Variants in STARD4 observed in about 807,000 individuals in gnomAD.
STARD4 encodes stAR-related lipid transfer protein 4.
A neutral mutation model predicts 24.9 loss-of-function variants in STARD4; 33 were observed. That is an observed-to-expected ratio of 1.32 (90% CI 1.00 to 1.77). The LOEUF (loss-of-function observed/expected upper bound fraction) is 1.77, where lower values mean the gene tolerates loss of function less well. Among genes scored for constraint, STARD4 ranks in the 40% most tolerant of loss-of-function variants. STARD4 has a pLI of 0.00. For synonymous variants in STARD4, 88 were observed against 77.4 expected (o/e 1.14, Z -0.72); for missense variants, 238 against 249.3 (o/e 0.95, Z 0.31).
intron 1 of STARD4, among the ~76,000 whole-genome samples, chr5:111,510,440 C>A (rs1757175649): frequency 6.6e-6 from 1 of 152,170 alleles, no homozygotes; most frequent in South Asian, 2.1e-4. Flanking sequence ...TCTGAACTTC[C>A]TTTTACTAAT....
Position 111,501,980 on chromosome 5 carries a change from A to T in STARD4, c.264T>A (p.Ile88=). The part of the protein sequence containing the change: ...DWDSLMTSLD[I]LENFEENCCV... The stretch of plus-strand genomic sequence containing the variant: ...TAGATACCTCTTCAAAGTTCTCCAG[A>T]ATATCCAAAGAAGTCATCAAGCTGT... Residue 88 remains isoleucine, a synonymous_variant, in exon 4 of 6, where the codon ATT becomes ATA. Coordinates refer to ENST00000296632, the MANE Select transcript of STARD4 (RefSeq NM_139164.3). The T allele has an allele frequency of 6.2e-7, 1 of 1,614,166 alleles. No homozygotes were observed. Among genetic ancestry groups the T allele is most frequent in the South Asian group, 1.1e-5 (1 of 91,092 alleles).
At position 111,507,464 on chromosome 5, in the gene STARD4, G is replaced by A; in HGVS notation, c.-9-22C>T. 6.3e-7 allele frequency: 1 copy of A among 1,589,428 alleles called. No homozygotes were observed. Among genetic ancestry groups the A allele is most frequent in the South Asian group, 1.1e-5 (1 of 88,708 alleles). ...CTCTCTGTTATGGAGACCAAGATTA[G>A]CATCAGCAAATACCACAGTTTGAGG... On this transcript the variant is annotated intron_variant, in intron 1 of 5. Coordinates refer to ENST00000296632, the MANE Select transcript of STARD4 (RefSeq NM_139164.3). This position sits in a 1 kb window ranked among gnomAD's most constrained non-coding sequence, Gnocchi z 4.4.
At chr5:111,501,451 T>C (rs1756446472) in intron 4 of STARD4, among the ~76,000 whole-genome samples, 1 of 152,212 alleles carries the variant, frequency 6.6e-6, no homozygotes, top group Non-Finnish European at 1.5e-5. Flanking sequence ...ACAAATACTT[T>C]GACTGCAACA....
chr5:111,504,943 T>G (rs1333497017), intron 3 of STARD4: 1 of 439,262 alleles, frequency 2.3e-6, no homozygotes, highest in African/African-American at 2.1e-5. Flanking sequence ...CACATGCATT[T>G]GCCCTTTTTG....
intron 3 of STARD4, among the ~76,000 whole-genome samples, chr5:111,505,344 C>T (rs1027763298): frequency 2.6e-5 from 4 of 152,174 alleles, no homozygotes; most frequent in South Asian, 2.1e-4. Context: ...TTGTAAAATT[C>T]ATCTTTCTGG....
At chr5:111,511,883 G>T (rs1315874075) in intron 1 of STARD4, among the ~76,000 whole-genome samples, 1 of 152,320 alleles carries the variant, frequency 6.6e-6, no homozygotes, top group African/African-American at 2.4e-5. Context: ...ATTTAGCAGG[G>T]ACCTTGGAAG....
chr5:111,504,563 G>C (rs1756706457), intron 3 of STARD4, among the ~76,000 whole-genome samples: 1 of 152,088 alleles, frequency 6.6e-6, no homozygotes, highest in Non-Finnish European at 1.5e-5. Context: ...ATGAAAGAAA[G>C]GAGATGAAAT....
rs1437063079 is a variant in STARD4, at chr5:111,507,666, A to G, written c.-9-224T>C. Among the ~76,000 whole-genome samples, 1 of 152,196 alleles carries G rather than the reference A, an allele frequency of 6.6e-6. No individual in the cohort carries two copies. Among genetic ancestry groups the G allele is most frequent in the African/African-American group, 2.4e-5 (1 of 41,452 alleles). On this transcript the variant is annotated intron_variant, in intron 1 of 5. Coordinates refer to ENST00000296632, the MANE Select transcript of STARD4 (RefSeq NM_139164.3). The surrounding 1 kb of genome is among the most constrained non-coding windows in gnomAD (Gnocchi z 4.4). ...ACCCATAGCCAGAGGTGAGAATTAC[A>G]TATTTTTTACAATTAAAATCACTCA...
intron 3 of STARD4, 29 bp downstream of exon 3, chr5:111,506,301 G>A: frequency 7.5e-7 from 1 of 1,324,506 alleles, no homozygotes; most frequent in Non-Finnish European, 1.0e-6. Flanking sequence ...TGTCTTAAGA[G>A]CTGTGTAAGT....
At chr5:111,502,133 T>A (rs1158659777) in intron 3 of STARD4, 45 bp from the exon 4 acceptor site, 1 of 1,597,704 alleles carries the variant, frequency 6.3e-7, no homozygotes, top group Admixed American at 1.8e-5. Context: ...AATAAAAAAA[T>A]TTCAGCATAC....
intron 3 of STARD4, among the ~76,000 whole-genome samples, chr5:111,505,997 C>T (rs1462671703): frequency 6.6e-6 from 1 of 151,894 alleles, no homozygotes; most frequent in African/African-American, 2.4e-5. Flanking sequence ...CAAGACCAGC[C>T]TAGCCAAGAT....
chr5:111,505,305 C>A (rs886160008), intron 3 of STARD4, among the ~76,000 whole-genome samples: 19 of 152,180 alleles, frequency 1.2e-4, no homozygotes, highest in Non-Finnish European at 2.8e-4. Flanking sequence ...CTTAATCCAA[C>A]TCCAATTTCC....
At chr5:111,506,419 G>C (rs1756869355) in intron 2 of STARD4, 40 bp from the exon 3 acceptor site, 4 of 1,023,816 alleles carry the variant, frequency 3.9e-6, no homozygotes, top group Non-Finnish European at 5.8e-6. Flanking sequence ...AATTGCATAG[G>C]TGGAACCCTA....
intron 5 of STARD4, chr5:111,500,763 AC>A (rs1226988800): frequency 1.3e-5 from 18 of 1,430,552 alleles, no homozygotes; most frequent in Non-Finnish European, 1.6e-5. Context: ...CATGTGATCC[AC>A]ATTTGCTACC....
chr5:111,506,292 G>A (rs746640134), intron 3 of STARD4, 38 bp downstream of exon 3: 1 of 1,165,910 alleles, frequency 8.6e-7, no homozygotes, highest in African/African-American at 1.6e-5. Flanking sequence ...GTTTTGAAAT[G>A]TCTTAAGAGC....
intron 3 of STARD4, among the ~76,000 whole-genome samples, chr5:111,503,303 A>G (rs1408196029): frequency 1.3e-5 from 2 of 152,192 alleles, no homozygotes; most frequent in African/African-American, 2.4e-5. Flanking sequence ...CACTCATAAT[A>G]ATTAATTCCA....
At chr5:111,506,278 A>T in intron 3 of STARD4, 52 bp downstream of exon 3, 3 of 982,888 alleles carry the variant, frequency 3.1e-6, no homozygotes, top group Non-Finnish European at 4.4e-6. Context: ...GACAATGGAT[A>T]TAAGTTTTGA....
At chr5:111,506,432 C>A (rs777037662) in intron 2 of STARD4, 53 bp from the exon 3 acceptor site, 16 of 834,208 alleles carry the variant, frequency 1.9e-5, no homozygotes, top group Admixed American at 5.6e-5. Context: ...GAACCCTAGA[C>A]ACAAAACTGA....
rs1409935390 is a variant in STARD4 at position 111,499,902 on chromosome 5, A to C, written c.602T>G (p.Leu201Ter). 3 of 1,613,976 alleles carry C rather than the reference A, an allele frequency of 1.9e-6. No homozygotes were observed. The highest frequency in any genetic ancestry group is 2.7e-5 in the African/African-American group (2 of 74,916). ...TTTTGCCTCTCATAAAGCTTTTCGTAAATCACCATAGAAGTTGGTTAAAGT... is the reference window on the plus strand; with the variant it reads ...TTTTGCCTCTCATAAAGCTTTTCGTCAATCACCATAGAAGTTGGTTAAAGT... ...ASTLTNFYGD[L>*]RKAL is the part of the protein sequence containing the mutation. Residue 201 changes from leucine to a stop codon, truncating the protein, a stop_gained, in exon 6 of 6, where the codon TTA becomes TGA. Coordinates refer to ENST00000296632, the MANE Select transcript of STARD4 (RefSeq NM_139164.3). LOFTEE classifies it high-confidence loss of function.
Sources: allele counts gnomAD v4.1 joint callset (sites outside exome capture counted in the v4.1 genomes callset), GRCh38; gene constraint gnomAD v4.1.1; non-coding constraint Gnocchi (gnomAD v3.1); transcripts MANE v1.5; gene names NCBI Gene and HGNC (gene_info 2026-07-23, HGNC 2026-07-21).